IFT140: variants seen among roughly 807,000 people sequenced by gnomAD.
The protein encoded by IFT140 is intraflagellar transport 140, also known as intraflagellar transport protein 140 homolog.
In IFT140, 133 loss-of-function variants were observed where a neutral mutation model predicts 164.6. The ratio of observed to expected loss-of-function variants is 0.81; its 90% confidence interval spans 0.70 to 0.93. The LOEUF is 0.93. Ranked by LOEUF, IFT140 falls within the 40% of genes least tolerant of loss-of-function variation. The pLI is 0.00. For missense variants in IFT140, 2,045 were observed against 1,972.3 expected (o/e 1.04, Z -0.70); for synonymous variants, 860 against 817.3 (o/e 1.05, Z -0.89).
intron 19 of IFT140, among the ~76,000 whole-genome samples, chr16:1,545,256 G>A (rs1418379301): frequency 6.6e-6 from 1 of 152,070 alleles, no homozygotes; most frequent in Non-Finnish European, 1.5e-5. Context: ...GGTTGGACCA[G>A]GCTCTGTTCA....
chr16:1,586,162 T>C lies in IFT140; in HGVS notation c.1123A>G (p.Thr375Ala). The C allele has an allele frequency of 6.2e-7, 1 of 1,613,854 alleles. No individual in the cohort carries two copies. Among genetic ancestry groups the C allele is most frequent in the Non-Finnish European group, 8.5e-7 (1 of 1,180,020 alleles). The change falls in exon 10 of 31, where the codon ACC becomes GCC. Residue 375 changes from threonine (T) to alanine (A), a missense_variant. Coordinates refer to ENST00000426508, the MANE Select transcript of IFT140 (RefSeq NM_014714.4). ...GKDRWALQTP[T>A]ELQGNITQIQ... ...TGCGTGATGTTTCCTTGGAGCTCGG[T>C]AGGGGTCTGAAGGGCCCACCTGTCC...
chr16:1,610,604 C>T (rs1437908397), intron 2 of IFT140, 60 bp downstream of exon 2: 1 of 152,348 alleles, frequency 6.6e-6, no homozygotes, highest in Non-Finnish European at 1.5e-5. Context: ...TCCTCGGCCC[C>T]AAACCCCGGC....
rs143450146 is a variant in IFT140, at chr16:1,582,688, G to A, written c.1432+626C>T. 8.8e-4 allele frequency among the ~76,000 whole-genome samples: 134 copies of A among 152,380 alleles called. 3 individuals carry two copies. The East Asian group carries it at 0.02, about 23-fold the overall frequency. ...GGAGGCCGAGGCAGGCAAATCACCT[G>A]AGGTCAGGAGTTCGAGACCAGCCTG... On this transcript the variant is annotated intron_variant, in intron 12 of 30. Transcript: ENST00000426508.
chr16:1,555,900 G>A (rs1360240667), intron 19 of IFT140, among the ~76,000 whole-genome samples: 1 of 152,054 alleles, frequency 6.6e-6, no homozygotes, highest in East Asian at 1.9e-4. Context: ...TCAGGAGTTC[G>A]AGAGCAGCCT....
At chr16:1,514,152 A>C (rs1191581738) in intron 30 of IFT140, 5 of 151,078 alleles carry the variant, frequency 3.3e-5, no homozygotes, top group African/African-American at 1.2e-4. Context: ...GTGGATCACG[A>C]GGTCAGGAGA....
intron 19 of IFT140, among the ~76,000 whole-genome samples, chr16:1,540,585 C>T (rs1358615688): frequency 6.6e-6 from 1 of 152,230 alleles, no homozygotes; most frequent in Non-Finnish European, 1.5e-5. Flanking sequence ...CATTCTGCTG[C>T]TCCCTGGATT....
chr16:1,540,692 G>T, intron 19 of IFT140: 2 of 354,466 alleles, frequency 5.6e-6, no homozygotes, highest in Non-Finnish European at 7.9e-6. Flanking sequence ...CTCCTGAGTG[G>T]TGAGGCTGCT....
At chr16:1,541,899 CCT>C in intron 19 of IFT140, 1 of 1,569,874 alleles carries the variant, frequency 6.4e-7, no homozygotes, top group Non-Finnish European at 8.6e-7. Context: ...CTCACCACTG[CCT>C]CTCTGCTCTT....
At chr16:1,554,822 T>C (rs1445410554) in intron 19 of IFT140, 1 of 1,614,212 alleles carries the variant, frequency 6.2e-7, no homozygotes, top group East Asian at 2.2e-5. Flanking sequence ...TCTACAGAAT[T>C]GGCCCATACA....
chr16:1,556,748 AT>A (rs937089440), intron 19 of IFT140, among the ~76,000 whole-genome samples: 1 of 152,148 alleles, frequency 6.6e-6, no homozygotes, highest in African/African-American at 2.4e-5. Flanking sequence ...ATGACAAGGA[AT>A]TTTTATTTTT....
intron 14 of IFT140, among the ~76,000 whole-genome samples, chr16:1,570,080 C>T (rs764995046): frequency 2.6e-5 from 4 of 152,136 alleles, no homozygotes; most frequent in Admixed American, 1.3e-4. Context: ...GTTTTTAGCA[C>T]TTCCTCACTT....
At chr16:1,516,605 T>TA (rs1477605123) in intron 30 of IFT140, among the ~76,000 whole-genome samples, 1 of 151,536 alleles carries the variant, frequency 6.6e-6, no homozygotes, top group Non-Finnish European at 1.5e-5. Flanking sequence ...CTGTCTCTAC[T>TA]AAAAATACAA....
chr16:1,553,011 C>T lies in IFT140; in HGVS notation c.2399+4924G>A. ...AGGAGCTACCCATGTATAAGAAGCT[C>T]CATGAAGTATTATAAAGAATGAACA... On this transcript the variant is annotated intron_variant, in intron 19 of 30. Coordinates refer to ENST00000426508, the MANE Select transcript of IFT140 (RefSeq NM_014714.4). This position sits in a 1 kb window ranked among gnomAD's most constrained non-coding sequence, Gnocchi z 4.4. 1 of 985,272 alleles carries T rather than the reference C, an allele frequency of 1.0e-6. No homozygotes were observed. Among genetic ancestry groups the T allele is most frequent in the Non-Finnish European group, 1.2e-6 (1 of 829,892 alleles). 61.0% of individuals were successfully genotyped at this position (985,272 alleles called of 1,614,324 possible).
Position 1,546,634 on chromosome 16 carries a change from CCTGT to C in IFT140, c.2399+11297_2399+11300del, listed in dbSNP as rs574122163. On this transcript the variant is annotated intron_variant, in intron 19 of 30. Coordinates refer to ENST00000426508, the MANE Select transcript of IFT140 (RefSeq NM_014714.4). ...GCAGCACCTGTGCTCCCCACCTAGG[CCTGT>C]CTCCCTCGGGGGCGCAAACTGTCCT... Among the ~76,000 whole-genome samples, 15 of 152,344 alleles carry C rather than the reference CCTGT, an allele frequency of 9.8e-5. No homozygotes were observed. In the South Asian group the frequency reaches 2.9e-3, roughly 29 times the overall value.
At chr16:1,526,125 G>A (rs747664837) in intron 20 of IFT140, 48 bp from the exon 21 acceptor site, 26 of 1,505,572 alleles carry the variant, frequency 1.7e-5, no homozygotes, top group Middle Eastern at 3.4e-4. Flanking sequence ...ACACACCCAC[G>A]TCTCAAACAC....
rs769761601 is a variant in IFT140, at chr16:1,525,966, G to A, written c.2689C>T (p.Arg897Cys). Residue 897 changes from arginine (R) to cysteine (C), a missense_variant, in exon 21 of 31, where the codon CGC becomes TGC. By Grantham distance (180) the Arg-to-Cys change is radical (BLOSUM62 -3). Coordinates refer to ENST00000426508, the MANE Select transcript of IFT140 (RefSeq NM_014714.4). The part of the protein sequence containing the change: ...EALQVAEHHD[R>C]VHLRSTYHRY... ...TGGTAGGTGCTGCGCAGGTGCACGC[G>A]ATCGTGGTGCTCGGCTACCTGGAGG... is the stretch of plus-strand genomic sequence containing the variant. 1.9e-6 allele frequency: 3 copies of A among 1,587,426 alleles called. No homozygotes were observed. The highest frequency in any genetic ancestry group is 2.3e-5 in the East Asian group (1 of 43,332).
At chr16:1,567,203 C>T (rs898612514) in intron 15 of IFT140, among the ~76,000 whole-genome samples, 3 of 152,190 alleles carry the variant, frequency 2.0e-5, no homozygotes, top group Non-Finnish European at 4.4e-5. Context: ...GTGGCTGCCA[C>T]GGGGACCAAG....
chr16:1,582,366 CAA>C (rs1345555572), intron 12 of IFT140, among the ~76,000 whole-genome samples: 1 of 152,158 alleles, frequency 6.6e-6, no homozygotes, highest in Non-Finnish European at 1.5e-5. Flanking sequence ...GACCACAAGC[CAA>C]AGACTGCTGG....
intron 14 of IFT140, among the ~76,000 whole-genome samples, 188 bp downstream of exon 14, chr16:1,571,219 C>T (rs1221794021): frequency 6.6e-6 from 1 of 152,246 alleles, no homozygotes; most frequent in Admixed American, 6.5e-5. Flanking sequence ...CTCCCCGACA[C>T]GGCTCCACCA....
Sources: allele counts gnomAD v4.1 joint callset (sites outside exome capture counted in the v4.1 genomes callset), GRCh38; gene constraint gnomAD v4.1.1; non-coding constraint Gnocchi (gnomAD v3.1); transcripts MANE v1.5; gene names NCBI Gene and HGNC (gene_info 2026-07-23, HGNC 2026-07-21).